Variants in ITIH5 observed in about 807,000 individuals in gnomAD.
ITIH5 encodes inter-alpha-trypsin inhibitor heavy chain H5.
ITIH5 carries 65 observed loss-of-function variants against 77.5 expected under a neutral mutation model. The ratio of observed to expected loss-of-function variants is 0.84; its 90% CI spans 0.69 to 1.03. The LOEUF is 1.03. Ranked by LOEUF, ITIH5 falls within the 50% of genes least tolerant of loss-of-function variation. The probability of loss-of-function intolerance (pLI) is 0.00; values close to 1 mark genes in which losing one functional copy is unlikely to be tolerated. For missense variants in ITIH5, 1,208 were observed against 1,213.1 expected (o/e 1.00, Z 0.06); for synonymous variants, 525 against 494.3 (o/e 1.06, Z -0.82).
intron 7 of ITIH5, among the ~76,000 whole-genome samples, chr10:7,605,540 C>A (rs1275692442): frequency 2.6e-5 from 4 of 151,526 alleles, no homozygotes; most frequent in African/African-American, 4.8e-5. Context: ...AGCACCCCAC[C>A]CCCAACAGCC....
At chr10:7,566,754 GAAGAAGAAGA>G (rs1422897260) in intron 12 of ITIH5, among the ~76,000 whole-genome samples, 1 of 48,800 alleles carries the variant, frequency 2.0e-5, no homozygotes, top group African/African-American at 8.1e-5. Flanking sequence ...AGAAGAAGAA[GAAGAAGAAGA>G]AAGAAGAAAG....
rs1834170128 is a variant in ITIH5 at position 7,655,661 on chromosome 10, G to C, written c.105C>G (p.Val35=). ...GHSSEQDGLR[V]PRQVRLLQRL... ...TCTGCAACAGTCTGACTTGCCTCGGGACCCTGAGTCCATCCTAGAAAAGAG... is the reference window on the plus strand; with the variant it reads ...TCTGCAACAGTCTGACTTGCCTCGGCACCCTGAGTCCATCCTAGAAAAGAG... Residue 35 remains valine, a synonymous_variant, in exon 2 of 14, where the codon GTC becomes GTG. Coordinates refer to ENST00000397146, the MANE Select transcript of ITIH5 (RefSeq NM_030569.7). The C allele has an allele frequency of 6.2e-7, 1 of 1,612,682 alleles. No individual in the cohort carries two copies. Among genetic ancestry groups the C allele is most frequent in the Admixed American group, 1.7e-5 (1 of 60,030 alleles).
chr10:7,587,437 C>T (rs547516354), intron 7 of ITIH5, among the ~76,000 whole-genome samples: 69 of 152,312 alleles, frequency 4.5e-4, no homozygotes, highest in Non-Finnish European at 7.2e-4. Context: ...ACATCCGGCA[C>T]CTTTACGAAG....
At chr10:7,576,169 C>G (rs1475986223) in intron 10 of ITIH5, among the ~76,000 whole-genome samples, 1 of 152,074 alleles carries the variant, frequency 6.6e-6, no homozygotes, top group African/African-American at 2.4e-5. Context: ...AGACTACAGG[C>G]ATTCCACCAT....
In ITIH5 at chr10:7,559,378, ATTT is replaced by A. The variant is rs149126000; in HGVS notation, c.*3702_*3704del. On this transcript the variant is annotated 3_prime_UTR_variant, in exon 14 of 14. Transcript: ENST00000397146. ...GTTTTTATGCATCGTTCTCTTATAA[ATTT>A]TTTGTCTAAGTAAAATGTCTCTTGA... is the stretch of plus-strand genomic sequence containing the variant. 1 of 152,246 alleles carries A rather than the reference ATTT, an allele frequency of 6.6e-6. No homozygotes were observed. The highest frequency in any genetic ancestry group is 1.5e-5 in the Non-Finnish European group (1 of 68,188). The allele number at this position is 152,246 out of a possible 1,614,324, so 9.4% of individuals were successfully genotyped here. A position where few individuals can be genotyped will look rare whatever the true frequency, so the allele number is the denominator to read the frequency against.
intron 7 of ITIH5, among the ~76,000 whole-genome samples, chr10:7,600,720 G>A (rs1191182044): frequency 1.3e-5 from 2 of 152,310 alleles, no homozygotes; most frequent in East Asian, 1.9e-4. Flanking sequence ...TAACACCCAA[G>A]GTGATGGTCC....
chr10:7,640,126 A>G (rs1246827262), intron 4 of ITIH5, among the ~76,000 whole-genome samples: 1 of 138,092 alleles, frequency 7.2e-6, no homozygotes, highest in Non-Finnish European at 1.5e-5. Context: ...CTATCACAAT[A>G]TTTAGAGTTA....
Position 7,562,124 on chromosome 10 carries a change from T to A in ITIH5, c.*959A>T, listed in dbSNP as rs1832051103. 6.6e-6 allele frequency: 1 copy of A among 152,254 alleles called. No homozygotes were observed. Among genetic ancestry groups the A allele is most frequent in the Non-Finnish European group, 1.5e-5 (1 of 68,096 alleles). The allele number at this position is 152,254 out of a possible 1,614,324, so 9.4% of individuals were successfully genotyped here. ...GCTATAGGTGGGCTGGTGGACCTGC[T>A]CTGAGCCGGCTCTGCCTCCCGTCCT... On this transcript the variant is annotated 3_prime_UTR_variant, in exon 14 of 14. Coordinates refer to ENST00000397146, the MANE Select transcript of ITIH5 (RefSeq NM_030569.7).
At chr10:7,626,458 A>G (rs1833579865) in intron 5 of ITIH5, among the ~76,000 whole-genome samples, 1 of 152,228 alleles carries the variant, frequency 6.6e-6, no homozygotes, top group South Asian at 2.1e-4. Flanking sequence ...CTGTGTGAAC[A>G]ATGCTGGAAA....
chr10:7,590,064 T>C (rs971969295), intron 7 of ITIH5, among the ~76,000 whole-genome samples: 1 of 152,106 alleles, frequency 6.6e-6, no homozygotes, highest in Non-Finnish European at 1.5e-5. Context: ...TCTCTGGAGC[T>C]GGCCTCTCGT....
chr10:7,652,867 A>G (rs1426773008), intron 2 of ITIH5, among the ~76,000 whole-genome samples: 1 of 152,188 alleles, frequency 6.6e-6, no homozygotes, highest in Non-Finnish European at 1.5e-5. Flanking sequence ...TGGATAAAAA[A>G]CACAATAGAA....
At chr10:7,644,835 A>AT (rs1030795403) in intron 2 of ITIH5, among the ~76,000 whole-genome samples, 1 of 115,502 alleles carries the variant, frequency 8.7e-6, no homozygotes, top group Non-Finnish European at 1.7e-5. Context: ...TATCACATAT[A>AT]TATCACATAT....
At chr10:7,648,243 CA>C (rs5782993) in intron 2 of ITIH5, among the ~76,000 whole-genome samples, 66,614 of 135,556 alleles carry the variant, frequency 0.49, 15,810 homozygotes, top group African/African-American at 0.64. Flanking sequence ...GACTCTGTCT[CA>C]AAAAAAAAAA....
At position 7,576,475 on chromosome 10, in the gene ITIH5, C is replaced by G; in HGVS notation, c.1956G>C (p.Val652=). Residue 652 remains valine (V), a synonymous_variant, in exon 10 of 14, where the codon GTG becomes GTC. Transcript: ENST00000397146. ...AMGPEPVVQS[V]RGAGTQPGPL... ...TACCTGGCTGCGTGCCAGCTCCTCG[C>G]ACGCTCTGCACCACCGGTTCGGGTC... 6.2e-7 allele frequency: 1 copy of G among 1,602,220 alleles called. No individual in the cohort carries two copies. Among genetic ancestry groups the G allele is most frequent in the Non-Finnish European group, 8.5e-7 (1 of 1,176,800 alleles).
Position 7,573,290 on chromosome 10 carries a change from C to T in ITIH5, c.1979-95G>A. 5 of 975,496 alleles carry T rather than the reference C, an allele frequency of 5.1e-6. 1 individual carries two copies. In the South Asian group the frequency reaches 5.4e-5, roughly 10 times the overall value. 60.4% of individuals were successfully genotyped at this position (975,496 alleles called of 1,614,324 possible). On this transcript the variant is annotated intron_variant, in intron 10 of 13. Coordinates refer to ENST00000397146, the MANE Select transcript of ITIH5 (RefSeq NM_030569.7). Reference sequence around the variant, plus strand: ...GAGAGGAGACATGAGCAAAACACAGCTTTTAGGTACGTTTGTAACAGCTTA... The same window carrying T: ...GAGAGGAGACATGAGCAAAACACAGTTTTTAGGTACGTTTGTAACAGCTTA...
intron 10 of ITIH5, among the ~76,000 whole-genome samples, chr10:7,575,799 A>C (rs905230851): frequency 3.3e-5 from 5 of 152,186 alleles, no homozygotes; most frequent in Non-Finnish European, 5.9e-5. Flanking sequence ...GCACTGAAAA[A>C]TGGGCACTGG....
At chr10:7,652,099 C>T (rs1034656746) in intron 2 of ITIH5, among the ~76,000 whole-genome samples, 1 of 152,128 alleles carries the variant, frequency 6.6e-6, no homozygotes, top group Admixed American at 6.5e-5. Flanking sequence ...CCATTCAGCA[C>T]CATGGAAATT....
rs372816798 is a variant in ITIH5, at chr10:7,563,179, G to A, written c.2733C>T (p.Ala911=). The A allele has an allele frequency of 2.0e-5, 32 of 1,614,120 alleles. No homozygotes were observed. Among genetic ancestry groups the A allele is most frequent in the Admixed American group, 8.3e-5 (5 of 60,020 alleles). Residue 911 remains alanine, a synonymous_variant, in exon 14 of 14, where the codon GCC becomes GCT. Transcript: ENST00000397146. ...QIDCWFARNN[A]AKLIDGEYKD... ...TGTACTCCCCGTCAATCAGTTTGGC[G>A]GCATTGTTCCTGGCAAACCAGCAGT... is the stretch of plus-strand genomic sequence containing the variant.
At chr10:7,628,720 C>G (rs879914935) in intron 5 of ITIH5, among the ~76,000 whole-genome samples, 1 of 107,056 alleles carries the variant, frequency 9.3e-6, no homozygotes, top group Non-Finnish European at 1.9e-5. Flanking sequence ...CATGTTGTAG[C>G]GTGTGTCCAT....
Sources: gnomAD v4.1 joint callset for allele counts (sites outside exome capture counted in the v4.1 genomes callset) on GRCh38, gnomAD v4.1.1 for gene constraint, MANE v1.5 for transcripts, NCBI Gene and HGNC (gene_info 2026-07-23, HGNC 2026-07-21) for gene names.